The following SLC17A9 variants were observed in gnomAD, a reference collection of about 807,000 sequenced individuals.
SLC17A9 encodes the protein solute carrier family 17 member 9.
A neutral mutation model predicts 55.0 loss-of-function variants in SLC17A9; 49 were observed. The observed-to-expected ratio is 0.89, with a 90% CI of 0.71 to 1.13. SLC17A9 has a LOEUF of 1.13. Among genes scored for constraint, SLC17A9 ranks in the 50% most tolerant of loss-of-function variants. SLC17A9 has a pLI of 0.00. For missense variants in SLC17A9, 526 were observed against 569.3 expected (o/e 0.92, Z 0.77); for synonymous variants, 256 against 247.4 (o/e 1.03, Z -0.32).
At position 62,966,542 on chromosome 20, in the gene SLC17A9, T is replaced by A; in HGVS notation, c.1079T>A (p.Ile360Asn). ...CCCCACAGTGGCATTTCTGTTAACATCCAGGACTTGGCCCCGTCCTGCGCC... is the reference window on the plus strand; with the variant it reads ...CCCCACAGTGGCATTTCTGTTAACAACCAGGACTTGGCCCCGTCCTGCGCC... ...TFNHSGISVN[I>N]QDLAPSCAGF... The change falls in exon 11 of 13, where the codon ATC becomes AAC. Residue 360 changes from isoleucine to asparagine, a missense_variant. Physicochemically the swap from Ile to Asn is moderately radical, Grantham distance 149. Coordinates refer to ENST00000370351, the MANE Select transcript of SLC17A9 (RefSeq NM_022082.4). 6.2e-7 allele frequency: 1 copy of A among 1,614,022 alleles called. No individual in the cohort carries two copies.
At chr20:62,967,215 G>A (rs2065648711) in intron 12 of SLC17A9, 122 bp from the exon 13 acceptor site, 3 of 1,179,720 alleles carry the variant, frequency 2.5e-6, no homozygotes, top group African/African-American at 3.1e-5. Context: ...TGGGAACCAT[G>A]GGGGCTCCTA....
At chr20:62,953,821 GA>G (rs999433663) in intron 1 of SLC17A9, among the ~76,000 whole-genome samples, 1 of 152,268 alleles carries the variant, frequency 6.6e-6, no homozygotes, top group African/African-American at 2.4e-5. Context: ...GCACCCAGAT[GA>G]AGGGAGCGCT....
In SLC17A9 at chr20:62,962,253, C is replaced by G. The variant is rs529164694; in HGVS notation, c.498-371C>G. On this transcript the variant is annotated intron_variant, in intron 4 of 12. Transcript: ENST00000370351. This position sits in a 1 kb window ranked among gnomAD's most constrained non-coding sequence, Gnocchi z 5.5. ...GTGCGGAGCTTCACTGTGGTATATG[C>G]TCATCACCGTCTCCTCCTCGGTGCC... 8 of 192,716 alleles carry G rather than the reference C, an allele frequency of 4.2e-5. No individual in the cohort carries two copies. The South Asian group carries it at 7.7e-4, about 19-fold the overall frequency. 11.9% of individuals were successfully genotyped at this position (192,716 alleles called of 1,614,324 possible).
In SLC17A9 at chr20:62,962,781, C is replaced by T. The variant is rs182602050; in HGVS notation, c.628+27C>T. On this transcript the variant is annotated intron_variant, in intron 5 of 12. Coordinates refer to ENST00000370351, the MANE Select transcript of SLC17A9 (RefSeq NM_022082.4). The surrounding 1 kb of genome is among the most constrained non-coding windows in gnomAD (Gnocchi z 5.5). ...TAACGCAGGCCGGGCGGGCTAGTCCCGGGCGCCCACAGCTGCCCAGTGCCT... is the reference window on the plus strand; with the variant it reads ...TAACGCAGGCCGGGCGGGCTAGTCCTGGGCGCCCACAGCTGCCCAGTGCCT... The T allele has an allele frequency of 8.1e-6, 13 of 1,611,228 alleles. No homozygotes were observed. The highest frequency in any genetic ancestry group is 4.4e-5 in the South Asian group (4 of 90,830).
intron 4 of SLC17A9, among the ~76,000 whole-genome samples, chr20:62,961,067 T>TCATC (rs1332417558): frequency 1.0e-5 from 1 of 95,522 alleles, no homozygotes; most frequent in Non-Finnish European, 2.2e-5. Context: ...CGGCTTGTCC[T>TCATC]CACGGTGGGC....
At chr20:62,954,643 G>C (rs1325463154) in intron 1 of SLC17A9, among the ~76,000 whole-genome samples, 1 of 152,218 alleles carries the variant, frequency 6.6e-6, no homozygotes, top group Non-Finnish European at 1.5e-5. Context: ...GTAGCCGACT[G>C]TCTGGGCCAT....
At chr20:62,961,973 G>A (rs974109171) in intron 4 of SLC17A9, among the ~76,000 whole-genome samples, 3 of 152,176 alleles carry the variant, frequency 2.0e-5, no homozygotes, top group Non-Finnish European at 2.9e-5. Context: ...GCCAGGCCCC[G>A]CTTTGGGGCT....
chr20:62,956,946 G>A lies in SLC17A9; in HGVS notation c.241G>A (p.Gly81Ser), dbSNP rs758574047. ...WGYCLTQVVG[G>S]HLGDRIGGEK... is the part of the protein sequence containing the mutation. ...CTACTGCCTGACACAGGTTGTGGGC[G>A]GCCACCTCGGGGATCGGTAACTGCC... Residue 81 changes from glycine (G) to serine (S), a missense_variant, in exon 2 of 13, where the codon GGC becomes AGC. By Grantham distance (56) the Gly-to-Ser change is moderately conservative. Coordinates refer to ENST00000370351, the MANE Select transcript of SLC17A9 (RefSeq NM_022082.4). The A allele has an allele frequency of 7.4e-6, 12 of 1,613,266 alleles. No individual in the cohort carries two copies. The highest frequency in any genetic ancestry group is 6.7e-5 in the Admixed American group (4 of 60,010).
In SLC17A9 at chr20:62,962,018, T is replaced by C. The variant is rs1255808691; in HGVS notation, c.498-606T>C. On this transcript the variant is annotated intron_variant, in intron 4 of 12. Coordinates refer to ENST00000370351, the MANE Select transcript of SLC17A9 (RefSeq NM_022082.4). This position sits in a 1 kb window ranked among gnomAD's most constrained non-coding sequence, Gnocchi z 5.5. ...CCTCCTTTTGCCATGATGTTAACTA[T>C]TCCCCCTGGTGCCAGTGGAGGGGCC... Among the ~76,000 whole-genome samples the C allele has an allele frequency of 6.6e-6, 1 of 152,054 alleles. No individual in the cohort carries two copies. Among genetic ancestry groups the C allele is most frequent in the Non-Finnish European group, 1.5e-5 (1 of 67,974 alleles).
In SLC17A9 at chr20:62,956,807, A is replaced by G. The variant is rs2245341; in HGVS notation, c.102A>G (p.Thr34=). The G allele has an allele frequency of 0.69, 1,117,547 of 1,612,140 alleles. 389,194 individuals carry two copies. The highest frequency in any genetic ancestry group is 0.82 in the African/African-American group (61,330 of 75,002). Residue 34 remains threonine, a synonymous_variant, in exon 2 of 13, where the codon ACA becomes ACG. Transcript: ENST00000370351. Reference sequence around the variant, plus strand: ...GGACGGGGACGCTGCTGCTGGGCACATGCCTTCTGTACTGCGCCCGCTCCA... The same window carrying G: ...GGACGGGGACGCTGCTGCTGGGCACGTGCCTTCTGTACTGCGCCCGCTCCA... ...QAWTGTLLLG[T]CLLYCARSSM...
chr20:62,965,372 G>A (rs529865919), intron 9 of SLC17A9, among the ~76,000 whole-genome samples: 3 of 152,366 alleles, frequency 2.0e-5, no homozygotes, highest in Admixed American at 6.5e-5. Context: ...GTGCCCCTCT[G>A]GGCCCAGGCC....
chr20:62,964,022 G>A (rs77717983), intron 7 of SLC17A9: 256 of 629,730 alleles, frequency 4.1e-4, no homozygotes, highest in Non-Finnish European at 6.0e-4. Flanking sequence ...GGTCACCTGC[G>A]GTCAGCACGG....
Position 62,967,322 on chromosome 20 carries a change from C to T in SLC17A9, c.1148-15C>T. The T allele has an allele frequency of 6.2e-7, 1 of 1,613,726 alleles. No individual in the cohort carries two copies. Among genetic ancestry groups the T allele is most frequent in the East Asian group, 2.2e-5 (1 of 44,868 alleles). On this transcript the variant is annotated splice_polypyrimidine_tract_variant and intron_variant, in intron 12 of 12. Transcript: ENST00000370351. The stretch of plus-strand genomic sequence containing the variant: ...GCCCGGGAGCACTCAGCCCGCCTGG[C>T]CCTCTCTTGGGCAGGTGTCGTGGGT...
chr20:62,957,258 G>A, intron 2 of SLC17A9, 183 bp from the exon 3 acceptor site: 1 of 985,398 alleles, frequency 1.0e-6, no homozygotes, highest in Non-Finnish European at 1.2e-6. Flanking sequence ...GGCAGAGGAG[G>A]CAGGCCGCTC....
chr20:62,965,859 C>T, intron 10 of SLC17A9, 134 bp downstream of exon 10: 1 of 796,346 alleles, frequency 1.3e-6, no homozygotes, highest in Non-Finnish European at 2.0e-6. Flanking sequence ...AGCTGCTGGG[C>T]AGTGACTGCA....
intron 10 of SLC17A9, 60 bp downstream of exon 10, chr20:62,965,785 A>G: frequency 1.3e-6 from 2 of 1,485,160 alleles, no homozygotes; most frequent in Non-Finnish European, 9.4e-7. Context: ...CGAGGCCCGC[A>G]CATGTGAAGA....
rs2065659815 is a variant in SLC17A9, at chr20:62,968,600, CTG to C, written c.*1102_*1103del. On this transcript the variant is annotated 3_prime_UTR_variant, in exon 13 of 13. Transcript: ENST00000370351. The stretch of plus-strand genomic sequence containing the variant: ...ACTATTAAACTATTCAAAAAGAAGA[CTG>C]TTATTTTATTTAACACCTTTGTTTT... The C allele has an allele frequency of 6.6e-6, 1 of 152,236 alleles. No individual in the cohort carries two copies. The highest frequency in any genetic ancestry group is 1.5e-5 in the Non-Finnish European group (1 of 68,052). The allele number at this position is 152,236 out of a possible 1,614,324, so 9.4% of individuals were successfully genotyped here.
Position 62,963,317 on chromosome 20 carries a change from T to C in SLC17A9, c.673T>C (p.Ser225Pro). The C allele has an allele frequency of 6.2e-7, 1 of 1,613,854 alleles. No homozygotes were observed. Among genetic ancestry groups the C allele is most frequent in the Non-Finnish European group, 8.5e-7 (1 of 1,180,032 alleles). Residue 225 changes from serine to proline, a missense_variant, in exon 6 of 13, where the codon TCC becomes CCC. Ser to Pro is a moderately conservative substitution (Grantham distance 74). Transcript: ENST00000370351. ...LGVLAQSRPVSRHNRVPWRRL... is the reference protein window; with the variant it reads ...LGVLAQSRPVPRHNRVPWRRL... ...TGTCCTGGCCCAAAGCCGGCCGGTG[T>C]CCAGGCACAACAGAGTCCCCTGGAG...
rs777835290 is a variant in SLC17A9 at position 62,967,299 on chromosome 20, C to T, written c.1148-38C>T. The T allele has an allele frequency of 1.9e-6, 3 of 1,610,132 alleles. No individual in the cohort carries two copies. In the Admixed American group the frequency reaches 5.0e-5, roughly 27 times the overall value. On this transcript the variant is annotated intron_variant, in intron 12 of 12. Coordinates refer to ENST00000370351, the MANE Select transcript of SLC17A9 (RefSeq NM_022082.4). Reference sequence around the variant, plus strand: ...GGGTGGGGTGTGGGGCCTGGGCTGCCCGGGAGCACTCAGCCCGCCTGGCCC... The same window carrying T: ...GGGTGGGGTGTGGGGCCTGGGCTGCTCGGGAGCACTCAGCCCGCCTGGCCC...
Sources: gnomAD v4.1 joint callset for allele counts (sites outside exome capture counted in the v4.1 genomes callset) on GRCh38, gnomAD v4.1.1 for gene constraint, Gnocchi (gnomAD v3.1) non-coding constraint, MANE v1.5 for transcripts, NCBI Gene and HGNC (gene_info 2026-07-23, HGNC 2026-07-21) for gene names.